Variants in WDR93 observed in about 807,000 individuals in gnomAD.
WDR93 encodes the protein WD repeat domain 93, also known as WD repeat-containing protein 93.
WDR93 carries 73 observed loss-of-function variants against 82.9 expected under a neutral mutation model. The ratio of observed to expected loss-of-function variants is 0.88; its 90% CI spans 0.73 to 1.07. WDR93 has a LOEUF of 1.07. Among genes scored for constraint, WDR93 ranks in the 50% least tolerant of loss-of-function variants. The pLI is 0.00. For synonymous variants in WDR93, 283 were observed against 300.1 expected, an observed-to-expected ratio of 0.94 and a Z score of 0.59; for missense variants, 738 against 826.0, an observed-to-expected ratio of 0.89 and a Z score of 1.31.
At chr15:89,740,716 G>A (rs754484308) in intron 16 of WDR93, among the ~76,000 whole-genome samples, 32 of 152,058 alleles carry the variant, frequency 2.1e-4, no homozygotes, top group Non-Finnish European at 4.4e-4. Context: ...TGGCCAGGCT[G>A]GTCTCGAACT....
intron 8 of WDR93, 147 bp from the exon 9 acceptor site, chr15:89,727,010 G>A: frequency 1.2e-6 from 1 of 864,724 alleles, no homozygotes; most frequent in Non-Finnish European, 1.8e-6. Flanking sequence ...GCCGGGAGAA[G>A]ACTGAATACA....
At chr15:89,714,752 T>C (rs940928295) in intron 5 of WDR93, among the ~76,000 whole-genome samples, 2 of 152,138 alleles carry the variant, frequency 1.3e-5, no homozygotes, top group Non-Finnish European at 2.9e-5. Flanking sequence ...TTCTCTTAGA[T>C]AGGTGGTGGT....
chr15:89,735,452 T>G (rs78188422), intron 13 of WDR93, 38 bp from the exon 14 acceptor site: 1 of 1,603,082 alleles, frequency 6.2e-7, no homozygotes, highest in Non-Finnish European at 8.5e-7. Flanking sequence ...TTTAAACTCT[T>G]AAAGTAGGAG....
chr15:89,741,510 G>A (rs1467566266), intron 16 of WDR93, among the ~76,000 whole-genome samples: 3 of 152,192 alleles, frequency 2.0e-5, no homozygotes, highest in African/African-American at 7.2e-5. Flanking sequence ...CTATCAGTGT[G>A]AGCCACCATT....
intron 1 of WDR93, among the ~76,000 whole-genome samples, chr15:89,697,193 A>C (rs934171299): frequency 4.6e-5 from 7 of 152,274 alleles, no homozygotes; most frequent in African/African-American, 1.7e-4. Flanking sequence ...TCCTGGCCTC[A>C]AGCAATCTTC....
chr15:89,733,339 C>G (rs1966905197), intron 13 of WDR93, 120 bp downstream of exon 13: 1 of 914,098 alleles, frequency 1.1e-6, no homozygotes, highest in Non-Finnish European at 1.6e-6. Context: ...TCATCACTCT[C>G]CTGGTGAGCT....
Position 89,715,062 on chromosome 15 carries a change from A to G in WDR93, c.723A>G (p.Ser241=). The G allele has an allele frequency of 1.2e-6, 2 of 1,614,022 alleles. No individual in the cohort carries two copies. The highest frequency in any genetic ancestry group is 8.5e-7 in the Non-Finnish European group (1 of 1,179,966). Residue 241 remains serine, a synonymous_variant, in exon 6 of 17, where the codon TCA becomes TCG. Transcript: ENST00000268130. ...AACTAGAGCACCCCCAACTCACTTC[A>G]AATCCAAAGAAAAAAGTCAGACAGC... ...LKKLEHPQLT[S]NPKKKVRQPQ... is the part of the protein sequence containing the mutation.
chr15:89,698,829 A>G (rs1291810266), intron 1 of WDR93, among the ~76,000 whole-genome samples: 6 of 152,136 alleles, frequency 3.9e-5, no homozygotes, highest in African/African-American at 1.4e-4. Context: ...TGCCTAATGC[A>G]TCCAGTGTTT....
At chr15:89,710,275 T>A (rs1965915681) in intron 4 of WDR93, among the ~76,000 whole-genome samples, 1 of 152,160 alleles carries the variant, frequency 6.6e-6, no homozygotes, top group Non-Finnish European at 1.5e-5. Flanking sequence ...CAACTGATGA[T>A]TACAACGCAG....
At chr15:89,696,018 T>C (rs1462691147) in intron 1 of WDR93, among the ~76,000 whole-genome samples, 1 of 152,074 alleles carries the variant, frequency 6.6e-6, no homozygotes, top group East Asian at 1.9e-4. Flanking sequence ...GGTTTTGCCA[T>C]GTTGCCCAGG....
intron 3 of WDR93, chr15:89,704,170 CAAAAAAAA>C (rs57077770): frequency 7.7e-6 from 1 of 130,640 alleles, no homozygotes; most frequent in Non-Finnish European, 1.6e-5. Context: ...ACGAAAAATA[CAAAAAAAA>C]AAAAAAAAAA....
In WDR93 at chr15:89,702,711, A is replaced by G. The variant is rs142115068; in HGVS notation, c.304-239A>G. On this transcript the variant is annotated intron_variant, in intron 2 of 16. Transcript: ENST00000268130. ...ATGCCACCATGCCCGGATAATTTTT[A>G]TATTTTTAGTAGAGATGGGGTTTCA... 1.9e-4 allele frequency among the ~76,000 whole-genome samples: 29 copies of G among 151,886 alleles called. No homozygotes were observed. In the East Asian group the frequency reaches 5.2e-3, roughly 27 times the overall value.
In WDR93 at chr15:89,725,560, T is replaced by G. The variant is rs566801843; in HGVS notation, c.881-1597T>G. On this transcript the variant is annotated intron_variant, in intron 8 of 16. Transcript: ENST00000268130. ...ATGTTCTATTTCTTTTTTTTTTTCTTTTTTCTTTTCTTTTTTTTTTCTTTT... is the reference window on the plus strand; with the variant it reads ...ATGTTCTATTTCTTTTTTTTTTTCTGTTTTCTTTTCTTTTTTTTTTCTTTT... Among the ~76,000 whole-genome samples, 15 of 139,102 alleles carry G rather than the reference T, an allele frequency of 1.1e-4. No homozygotes were observed. The East Asian group carries it at 3.0e-3, about 28-fold the overall frequency. 91.3% of individuals were successfully genotyped at this position (139,102 alleles called of 152,430 possible).
intron 2 of WDR93, 116 bp downstream of exon 2, chr15:89,702,165 A>G: frequency 5.1e-6 from 6 of 1,187,878 alleles, no homozygotes; most frequent in Non-Finnish European, 7.0e-6. Flanking sequence ...AAGTCAGTGC[A>G]TTTTTGAAAG....
rs767964394 is a variant in WDR93, at chr15:89,731,420, T to C, written c.1211-23T>C. 15 of 1,613,434 alleles carry C rather than the reference T, an allele frequency of 9.3e-6. No individual in the cohort carries two copies. In the Admixed American group the frequency reaches 1.5e-4, roughly 16 times the overall value. ...TAGGTGCAGAGTCTGGGGGAACCGG[T>C]TGAGTATTGTCCTTCCCCCTAGACC... On this transcript the variant is annotated intron_variant, in intron 11 of 16. Coordinates refer to ENST00000268130, the MANE Select transcript of WDR93 (RefSeq NM_020212.2).
At chr15:89,702,135 A>G (rs1965501190) in intron 2 of WDR93, 86 bp downstream of exon 2, 4 of 1,407,016 alleles carry the variant, frequency 2.8e-6, no homozygotes, top group Non-Finnish European at 3.8e-6. Flanking sequence ...AGGAATTCCT[A>G]CTAGAAAGCT....
chr15:89,722,127 A>C lies in WDR93; in HGVS notation c.868A>C (p.Lys290Gln). 1 of 1,604,492 alleles carries C rather than the reference A, an allele frequency of 6.2e-7. No homozygotes were observed. The highest frequency in any genetic ancestry group is 1.3e-5 in the African/African-American group (1 of 74,682). The change falls in exon 8 of 17, where the codon AAG becomes CAG. Residue 290 changes from lysine (K) to glutamine (Q), a missense_variant. By Grantham distance (53) the Lys-to-Gln change is moderately conservative. Transcript: ENST00000268130. ...TTACATAATGAAGATCAAACCACCTAAGCCTGTTACAGGTAAGTGTGATTC... is the reference window on the plus strand; with the variant it reads ...TTACATAATGAAGATCAAACCACCTCAGCCTGTTACAGGTAAGTGTGATTC... ...PVYIMKIKPP[K>Q]PVTGTTFKSP...
intron 11 of WDR93, among the ~76,000 whole-genome samples, chr15:89,730,844 C>A (rs1750187532): frequency 6.6e-6 from 1 of 151,884 alleles, no homozygotes; most frequent in African/African-American, 2.4e-5. Flanking sequence ...CAAGGTTGCA[C>A]CACTGCACTC....
In WDR93 at chr15:89,732,615, C is replaced by CCACACACA. The variant is rs58806438; in HGVS notation, c.1331-371_1331-364dup. Among the ~76,000 whole-genome samples, 925 of 148,552 alleles carry CCACACACA rather than the reference C, an allele frequency of 6.2e-3. 6 individuals carry two copies. The highest frequency in any genetic ancestry group is 0.034 in the Middle Eastern group (10 of 290). On this transcript the variant is annotated intron_variant, in intron 12 of 16. Transcript: ENST00000268130. Reference sequence around the variant, plus strand: ...TGGATATTAAGTTCTTGTTGTTTGGCCACACACACACACACACACACACAC... The same window carrying CCACACACA: ...TGGATATTAAGTTCTTGTTGTTTGGCCACACACACACACACACACACACACACACACAC...
Sources: allele counts gnomAD v4.1 joint callset (sites outside exome capture counted in the v4.1 genomes callset), GRCh38; gene constraint gnomAD v4.1.1; transcripts MANE v1.5; gene names NCBI Gene and HGNC (gene_info 2026-07-23, HGNC 2026-07-21).